LHPP: variants seen among roughly 807,000 people sequenced by gnomAD.
The protein encoded by LHPP is phospholysine phosphohistidine inorganic pyrophosphate phosphatase, also known as hLHPP.
A neutral mutation model predicts 30.3 loss-of-function variants in LHPP; 24 were observed. The observed-to-expected ratio is 0.79, with a 90% confidence interval of 0.57 to 1.11. The LOEUF (loss-of-function observed/expected upper bound fraction) is 1.11. Ranked by LOEUF, LHPP falls within the 50% of genes most tolerant of loss-of-function variation. The pLI, the probability that LHPP is intolerant of heterozygous loss-of-function variation, is 0.00. For synonymous variants in LHPP, 150 were observed against 157.1 expected (o/e 0.95, Z 0.34); for missense variants, 356 against 367.2 (o/e 0.97, Z 0.25).
At chr10:124,581,171 T>TTCTG (rs138830089) in intron 6 of LHPP, among the ~76,000 whole-genome samples, 53,383 of 151,934 alleles carry the variant, frequency 0.35, 9,607 homozygotes, top group East Asian at 0.49. Context: ...ATGTGGCCTT[T>TTCTG]TCTGTCTTCT....
chr10:124,497,054 C>T (rs760723583), intron 4 of LHPP, 30 bp downstream of exon 4: 1 of 1,583,116 alleles, frequency 6.3e-7, no homozygotes, highest in East Asian at 2.2e-5. Flanking sequence ...CCCAAACTCT[C>T]TTCAGACCTC....
intron 6 of LHPP, among the ~76,000 whole-genome samples, chr10:124,579,343 C>T (rs1480671475): frequency 4.6e-5 from 7 of 152,206 alleles, no homozygotes; most frequent in Non-Finnish European, 7.3e-5. Context: ...ACTATATTCG[C>T]GGACACGGCG....
chr10:124,611,041 T>G (rs1589720891), intron 6 of LHPP, among the ~76,000 whole-genome samples: 1 of 149,340 alleles, frequency 6.7e-6, no homozygotes, highest in African/African-American at 2.5e-5. Context: ...ATGGAGCGGG[T>G]GCGGGTGAGG....
At chr10:124,535,331 C>A (rs1315930781) in intron 6 of LHPP, among the ~76,000 whole-genome samples, 1 of 152,236 alleles carries the variant, frequency 6.6e-6, no homozygotes, top group East Asian at 1.9e-4. Context: ...TGCTCTGAAC[C>A]ACTCTGCCAC....
At chr10:124,537,761 G>T (rs1335725434) in intron 6 of LHPP, among the ~76,000 whole-genome samples, 7 of 152,356 alleles carry the variant, frequency 4.6e-5, no homozygotes, top group African/African-American at 1.7e-4. Context: ...CATGGGCCGG[G>T]CTGATATTAC....
chr10:124,475,286 T>C (rs1285267158), intron 1 of LHPP, among the ~76,000 whole-genome samples: 4 of 148,360 alleles, frequency 2.7e-5, no homozygotes, highest in Non-Finnish European at 5.9e-5. Flanking sequence ...CCACCCGCCT[T>C]GGCCTCCCAA....
intron 6 of LHPP, among the ~76,000 whole-genome samples, chr10:124,532,791 C>G (rs972814845): frequency 3.9e-5 from 6 of 152,214 alleles, no homozygotes; most frequent in African/African-American, 1.4e-4. Flanking sequence ...AAGGGTGTAG[C>G]AGGACAGTGC....
At position 124,596,972 on chromosome 10, in the gene LHPP, C is replaced by CAG; in HGVS notation, c.717-16292_717-16291insAG. ...GTGTGGGTGGGCACCATCTCATCGGCTGTCCTTGTGGCTGGAACAAAGCAG... is the reference window on the plus strand; with the variant it reads ...GTGTGGGTGGGCACCATCTCATCGGCAGTGTCCTTGTGGCTGGAACAAAGCAG... On this transcript the variant is annotated intron_variant, in intron 6 of 6. Transcript: ENST00000368842. This position sits in a 1 kb window ranked among gnomAD's most constrained non-coding sequence, Gnocchi z 4.6. 6.6e-6 allele frequency among the ~76,000 whole-genome samples: 1 copy of CAG among 152,206 alleles called. No homozygotes were observed. The highest frequency in any genetic ancestry group is 1.9e-4 in the East Asian group (1 of 5,182).
intron 6 of LHPP, among the ~76,000 whole-genome samples, chr10:124,587,714 T>C (rs914081471): frequency 1.7e-5 from 2 of 119,678 alleles, no homozygotes; most frequent in East Asian, 2.6e-4. Flanking sequence ...CACTCCAGCC[T>C]GGGAGACACA....
chr10:124,467,184 G>A (rs1399632115), intron 1 of LHPP, among the ~76,000 whole-genome samples: 2 of 152,060 alleles, frequency 1.3e-5, no homozygotes, highest in Admixed American at 6.6e-5. Context: ...GCAGTGTGGA[G>A]AACAGGCTGG....
chr10:124,469,986 G>C (rs1952678857), intron 1 of LHPP, among the ~76,000 whole-genome samples: 2 of 152,184 alleles, frequency 1.3e-5, no homozygotes. Flanking sequence ...AACCTCTGAG[G>C]CCACACTGGT....
chr10:124,551,955 C>G (rs1002191102), intron 6 of LHPP, among the ~76,000 whole-genome samples: 50 of 152,062 alleles, frequency 3.3e-4, no homozygotes, highest in African/African-American at 1.2e-3. Flanking sequence ...CCCTGAGACC[C>G]TCAGGCCCAT....
rs1199039941 is a variant in LHPP, at chr10:124,592,625, C to T, written c.717-20639C>T. ...CCACCACCATGCCCATGGCTGGTGCCCAGGAGGTGGGAGCTGTGGAGCTGC... is the reference window on the plus strand; with the variant it reads ...CCACCACCATGCCCATGGCTGGTGCTCAGGAGGTGGGAGCTGTGGAGCTGC... On this transcript the variant is annotated intron_variant, in intron 6 of 6. Transcript: ENST00000368842. This position sits in a 1 kb window ranked among gnomAD's most constrained non-coding sequence, Gnocchi z 6.2. 1.3e-5 allele frequency among the ~76,000 whole-genome samples: 2 copies of T among 152,226 alleles called. No individual in the cohort carries two copies. Among genetic ancestry groups the T allele is most frequent in the East Asian group, 3.9e-4 (2 of 5,190 alleles).
At chr10:124,588,293 C>A (rs1412838170) in intron 6 of LHPP, among the ~76,000 whole-genome samples, 2 of 133,102 alleles carry the variant, frequency 1.5e-5, no homozygotes, top group Non-Finnish European at 1.6e-5. Context: ...TTACTTTTTT[C>A]TCTTCTTTTT....
rs12259846 is a variant in LHPP, at chr10:124,466,148, G to A, written c.125+4161G>A. 3.4e-3 allele frequency among the ~76,000 whole-genome samples: 518 copies of A among 151,966 alleles called. 2 individuals are homozygous for A. The highest frequency in any genetic ancestry group is 0.012 in the African/African-American group (479 of 41,264). ...AGCTCAGATATCCATCAGTAGGGGA[G>A]TTTTAGGGTCTGTCTGTTTATACAG... On this transcript the variant is annotated intron_variant, in intron 1 of 6. Transcript: ENST00000368842.
chr10:124,504,900 C>T (rs755381303), intron 5 of LHPP, among the ~76,000 whole-genome samples: 3 of 152,142 alleles, frequency 2.0e-5, no homozygotes, highest in East Asian at 1.9e-4. Context: ...GGCAGTGCGT[C>T]TGGGAGGGAG....
intron 5 of LHPP, among the ~76,000 whole-genome samples, chr10:124,512,921 C>T (rs147484725): frequency 1.2e-4 from 18 of 152,324 alleles, no homozygotes; most frequent in African/African-American, 1.4e-4. Flanking sequence ...CCCGTCCTTG[C>T]AGGCAGAGTC....
At chr10:124,583,066 C>G (rs12570668) in intron 6 of LHPP, among the ~76,000 whole-genome samples, 9,786 of 152,118 alleles carry the variant, frequency 0.064, 399 homozygotes, top group South Asian at 0.22. Context: ...TAAGGGTCAA[C>G]TGTATTTTCT....
rs1816828350 is a variant in LHPP, at chr10:124,496,665, TAATC to T, written c.468-294_468-291del. On this transcript the variant is annotated intron_variant, in intron 3 of 6. Transcript: ENST00000368842. This position sits in a 1 kb window ranked among gnomAD's most constrained non-coding sequence, Gnocchi z 4.3. ...ACCGTCTGCCTTCTGGGTCCCCTGTTAATCATTGCAGCAGGGTCCCCACGAGTCT... is the reference window on the plus strand; with the variant it reads ...ACCGTCTGCCTTCTGGGTCCCCTGTTATTGCAGCAGGGTCCCCACGAGTCT... Among the ~76,000 whole-genome samples, 1 of 152,222 alleles carries T rather than the reference TAATC, an allele frequency of 6.6e-6. No individual in the cohort carries two copies. The highest frequency in any genetic ancestry group is 2.1e-4 in the South Asian group (1 of 4,834).
Sources: allele counts gnomAD v4.1 joint callset (sites outside exome capture counted in the v4.1 genomes callset), GRCh38; gene constraint gnomAD v4.1.1; non-coding constraint Gnocchi (gnomAD v3.1); transcripts MANE v1.5; gene names NCBI Gene and HGNC (gene_info 2026-07-23, HGNC 2026-07-21).